Variants in CSMD2 observed in about 807,000 individuals in gnomAD.
The protein encoded by CSMD2 is CUB and Sushi multiple domains 2.
Under a neutral mutation model 398.5 loss-of-function variants are expected in CSMD2, and 130 were observed. The observed-to-expected ratio is 0.33, with a 90% CI of 0.28 to 0.38. The LOEUF is 0.38. CSMD2 is among the 10% of genes least tolerant of loss of function. The pLI is 1.00. For missense variants in CSMD2, 3,829 were observed against 4,764.9 expected, an observed-to-expected ratio of 0.80 and a Z score of 5.78; for synonymous variants, 1,828 against 1,908.5, an observed-to-expected ratio of 0.96 and a Z score of 1.10.
chr1:33,743,530 G>A lies in CSMD2; in HGVS notation c.1923C>T (p.His641=). The A allele has an allele frequency of 6.2e-7, 1 of 1,614,044 alleles. No individual in the cohort carries two copies. Among genetic ancestry groups the A allele is most frequent in the Non-Finnish European group, 8.5e-7 (1 of 1,180,010 alleles). Residue 641 remains histidine (H), a synonymous_variant, in exon 14 of 71, where the codon CAC becomes CAT. Coordinates refer to ENST00000373381, the MANE Select transcript of CSMD2 (RefSeq NM_001281956.2). ...CCAGGATGAGCCAGACACAGTGGAG[G>A]TGGTTGCCATAGTCCTCTGGGTAGT... ...SPNYPEDYGN[H]LHCVWLILAR...
intron 37 of CSMD2, among the ~76,000 whole-genome samples, chr1:33,619,452 G>C (rs984143466): frequency 1.3e-5 from 2 of 152,198 alleles, no homozygotes; most frequent in Non-Finnish European, 2.9e-5. Flanking sequence ...CCAGGCAGCA[G>C]CTAATGAGTC....
intron 55 of CSMD2, among the ~76,000 whole-genome samples, 164 bp downstream of exon 55, chr1:33,557,570 G>T (rs952563316): frequency 6.6e-6 from 1 of 151,632 alleles, no homozygotes; most frequent in Non-Finnish European, 1.5e-5. Flanking sequence ...TGAAATCCCA[G>T]GAGTAGCCAG....
chr1:33,701,090 C>A (rs534120797), intron 22 of CSMD2, among the ~76,000 whole-genome samples: 1 of 152,172 alleles, frequency 6.6e-6, no homozygotes, highest in Non-Finnish European at 1.5e-5. Flanking sequence ...CATTGCTAAA[C>A]CCTCAATCCT....
At chr1:33,945,340 G>A (rs1211386053) in intron 3 of CSMD2, among the ~76,000 whole-genome samples, 2 of 152,230 alleles carry the variant, frequency 1.3e-5, no homozygotes, top group East Asian at 1.9e-4. Context: ...AATTTAACTG[G>A]GTTTCTTGTA....
intron 5 of CSMD2, among the ~76,000 whole-genome samples, chr1:33,874,913 T>C (rs560279521): frequency 1.4e-4 from 21 of 152,360 alleles, no homozygotes; most frequent in African/African-American, 5.0e-4. Context: ...TGTCCCTCAC[T>C]GATGCAGCTG....
chr1:33,829,810 C>T (rs1483313590), intron 6 of CSMD2, among the ~76,000 whole-genome samples: 1 of 151,364 alleles, frequency 6.6e-6, no homozygotes, highest in Middle Eastern at 3.2e-3. Context: ...CACCCGAATA[C>T]TGCGCTTTTC....
chr1:33,557,654 ACACACAT>A, intron 55 of CSMD2, 73 bp downstream of exon 55: 3 of 1,205,208 alleles, frequency 2.5e-6, no homozygotes, highest in Non-Finnish European at 2.3e-6. Flanking sequence ...ACACACACAC[ACACACAT>A]GCACAGAGGG....
chr1:33,836,431 C>G (rs1242519571), intron 6 of CSMD2, among the ~76,000 whole-genome samples: 4 of 152,206 alleles, frequency 2.6e-5, no homozygotes, highest in Non-Finnish European at 4.4e-5. Context: ...TTTCTGCTGC[C>G]TTTTGTTTGG....
Position 33,519,554 on chromosome 1 carries a change from C to T in CSMD2, c.10860G>A (p.Ala3620=), listed in dbSNP as rs766271230. Residue 3620 remains alanine, a synonymous_variant, in exon 70 of 71, where the codon GCG becomes GCA. Coordinates refer to ENST00000373381, the MANE Select transcript of CSMD2 (RefSeq NM_001281956.2). The surrounding 1 kb of genome is among the most constrained non-coding windows in gnomAD (Gnocchi z 5.6). ...IQPTDIMASE[A]EFTVSTVCTA... ...TGCACACTGTGCTGACTGTGAACTC[C>T]GCCTCGCTGGCCATGATGTCTGTGG... 25 of 1,613,872 alleles carry T rather than the reference C, an allele frequency of 1.5e-5. No individual in the cohort carries two copies. In the Middle Eastern group the frequency reaches 8.3e-4, roughly 53 times the overall value.
At position 33,646,734 on chromosome 1, in the gene CSMD2, C is replaced by T. The variant is rs753808964; in HGVS notation, c.4688G>A (p.Arg1563His). The change falls in exon 29 of 71, where the codon CGC becomes CAC. Residue 1563 changes from arginine (R) to histidine (H), a missense_variant. Transcript: ENST00000373381. The stretch of plus-strand genomic sequence containing the variant: ...GAGGCTGTTGCTGCTGCTTTCAATG[C>T]GGCCTGGGAGCTGGGAGCCATAGAA... ...GSFYGSQLPG[R>H]IESSSNSLFL... 35 of 1,614,090 alleles carry T rather than the reference C, an allele frequency of 2.2e-5. 1 individual carries two copies. The highest frequency in any genetic ancestry group is 1.5e-4 in the South Asian group (14 of 91,084).
At chr1:34,130,911 C>T (rs1663277482) in intron 1 of CSMD2, among the ~76,000 whole-genome samples, 1 of 152,096 alleles carries the variant, frequency 6.6e-6, no homozygotes, top group African/African-American at 2.4e-5. Flanking sequence ...AAAGGACAAA[C>T]CGAGACCATC....
At chr1:33,905,485 C>G (rs1205151299) in intron 5 of CSMD2, among the ~76,000 whole-genome samples, 6 of 152,148 alleles carry the variant, frequency 3.9e-5, no homozygotes, top group South Asian at 2.1e-4. Flanking sequence ...GAATGGGCAA[C>G]CTGGAGGTTG....
chr1:33,978,909 T>C (rs1272804553), intron 3 of CSMD2, among the ~76,000 whole-genome samples: 1 of 152,180 alleles, frequency 6.6e-6, no homozygotes, highest in Admixed American at 6.5e-5. Flanking sequence ...GTGAGTACTA[T>C]TGCCATCTCT....
chr1:33,927,148 C>T (rs892686040), intron 4 of CSMD2, among the ~76,000 whole-genome samples: 89 of 152,270 alleles, frequency 5.8e-4, no homozygotes, highest in African/African-American at 2.0e-3. Flanking sequence ...AAGTTGCGGC[C>T]CACCCCCTTT....
At chr1:33,683,641 G>A (rs1044146135) in intron 25 of CSMD2, among the ~76,000 whole-genome samples, 1 of 152,106 alleles carries the variant, frequency 6.6e-6, no homozygotes, top group African/African-American at 2.4e-5. Context: ...ATCGTATGAG[G>A]ATAATTTGAA....
intron 5 of CSMD2, among the ~76,000 whole-genome samples, chr1:33,896,536 G>C (rs1642398059): frequency 6.6e-6 from 1 of 152,142 alleles, no homozygotes; most frequent in East Asian, 1.9e-4. Flanking sequence ...GGGTGACTTT[G>C]GCAAGTCACA....
At chr1:33,785,677 T>C (rs1282604900) in intron 12 of CSMD2, among the ~76,000 whole-genome samples, 1 of 152,154 alleles carries the variant, frequency 6.6e-6, no homozygotes, top group Non-Finnish European at 1.5e-5. Context: ...GAACCCTCCA[T>C]CCTGGGCATG....
intron 3 of CSMD2, among the ~76,000 whole-genome samples, chr1:33,941,096 A>C (rs886501015): frequency 2.0e-5 from 3 of 151,994 alleles, no homozygotes; most frequent in African/African-American, 7.3e-5. Flanking sequence ...GAAGAGGGGG[A>C]TATTTACATC....
rs1411312849 is a variant in CSMD2, at chr1:33,635,142, G to A, written c.5086+72C>T. ...GGCTGTATATAATTGGGAGGCGTCT[G>A]AGGAATTGCTCATTTTGGAATGAGG... On this transcript the variant is annotated intron_variant, in intron 31 of 70. Transcript: ENST00000373381. This position sits in a 1 kb window ranked among gnomAD's most constrained non-coding sequence, Gnocchi z 5.0. 3 of 928,100 alleles carry A rather than the reference G, an allele frequency of 3.2e-6. No individual in the cohort carries two copies. The East Asian group carries it at 7.4e-5, about 23-fold the overall frequency. The allele number at this position is 928,100 out of a possible 1,614,324, so 57.5% of individuals were successfully genotyped here.
Sources: allele counts gnomAD v4.1 joint callset (sites outside exome capture counted in the v4.1 genomes callset), GRCh38; gene constraint gnomAD v4.1.1; non-coding constraint Gnocchi (gnomAD v3.1); transcripts MANE v1.5; gene names NCBI Gene and HGNC (gene_info 2026-07-23, HGNC 2026-07-21).